XYLB: variants seen among roughly 807,000 people sequenced by gnomAD.
XYLB encodes the protein xylulokinase, also known as xylulose kinase.
XYLB carries 62 observed loss-of-function variants against 78.7 expected under a neutral mutation model. The ratio of observed to expected loss-of-function variants is 0.79; its 90% confidence interval spans 0.64 to 0.97. The LOEUF (loss-of-function observed/expected upper bound fraction) is 0.97. Among genes scored for constraint, XYLB ranks in the 50% least tolerant of loss-of-function variants. The probability of loss-of-function intolerance (pLI) is 0.00; values close to 1 mark genes in which losing one functional copy is unlikely to be tolerated. For synonymous variants in XYLB, 245 were observed against 247.4 expected (o/e 0.99, Z 0.09); for missense variants, 687 against 676.8 (o/e 1.02, Z -0.17).
At chr3:38,412,796 G>T in intron 18 of XYLB, 140 bp from the exon 19 acceptor site, 1 of 693,262 alleles carries the variant, frequency 1.4e-6, no homozygotes, top group East Asian at 3.2e-5. Flanking sequence ...TTCCTCTTTT[G>T]TGAATTGATG....
chr3:38,361,046 A>G (rs1375944924), intron 3 of XYLB, among the ~76,000 whole-genome samples: 1 of 152,026 alleles, frequency 6.6e-6, no homozygotes, highest in Non-Finnish European at 1.5e-5. Context: ...AAAAAAAAAG[A>G]AAAAAAAGAA....
intron 17 of XYLB, among the ~76,000 whole-genome samples, chr3:38,398,482 A>AC (rs540557246): frequency 6.6e-6 from 1 of 152,000 alleles, no homozygotes; most frequent in South Asian, 2.1e-4. Context: ...AACAAAAAAA[A>AC]ATAATTAACC....
intron 14 of XYLB, among the ~76,000 whole-genome samples, 175 bp from the exon 15 acceptor site, chr3:38,379,071 T>G (rs1421204435): frequency 6.6e-6 from 1 of 152,000 alleles, no homozygotes; most frequent in Non-Finnish European, 1.5e-5. Context: ...GCTTGTGTGC[T>G]TGAGTAGTGT....
Position 38,375,195 on chromosome 3 carries a change from C to A in XYLB, c.940C>A (p.Pro314Thr). ...TLFLWLQEPMPALEGHIFCNP... is the reference protein window; with the variant it reads ...TLFLWLQEPMTALEGHIFCNP... Reference sequence around the variant, plus strand: ...GTTTCTCTGGCTCCAAGAGCCCATGCCTGCCCTGGAAGGCCACATCTTCTG... The same window carrying A: ...GTTTCTCTGGCTCCAAGAGCCCATGACTGCCCTGGAAGGCCACATCTTCTG... Residue 314 changes from proline to threonine, a missense_variant, in exon 12 of 19, where the codon CCT (proline) becomes ACT (threonine). Transcript: ENST00000207870. 2 of 1,614,216 alleles carry A rather than the reference C, an allele frequency of 1.2e-6. No homozygotes were observed. Among genetic ancestry groups the A allele is most frequent in the Non-Finnish European group, 1.7e-6 (2 of 1,180,024 alleles).
Position 38,412,961 on chromosome 3 carries a change from A to G in XYLB, c.1559A>G (p.Tyr520Cys). 1 of 1,605,320 alleles carries G rather than the reference A, an allele frequency of 6.2e-7. No homozygotes were observed. The highest frequency in any genetic ancestry group is 8.5e-7 in the Non-Finnish European group (1 of 1,176,318). The change falls in exon 19 of 19, where the codon TAT becomes TGT. Residue 520 changes from tyrosine to cysteine, a missense_variant. Physicochemically the swap from Tyr to Cys is radical, Grantham distance 194. Transcript: ENST00000207870. Reference sequence around the variant, plus strand: ...GTCTACGAGGCCCTTCTCCCCCAGTATGCCAAACTCGAGCAGAGAATCTTG... The same window carrying G: ...GTCTACGAGGCCCTTCTCCCCCAGTGTGCCAAACTCGAGCAGAGAATCTTG... Reference protein sequence around the residue: ...SQVYEALLPQYAKLEQRILSQ... With the variant: ...SQVYEALLPQCAKLEQRILSQ...
chr3:38,379,607 C>A (rs196377), intron 15 of XYLB, among the ~76,000 whole-genome samples: 2 of 151,996 alleles, frequency 1.3e-5, no homozygotes, highest in African/African-American at 4.8e-5. Context: ...TGTAAGACTT[C>A]GGAATGGTCT....
At chr3:38,407,626 A>G (rs943232640) in intron 18 of XYLB, among the ~76,000 whole-genome samples, 38 of 152,194 alleles carry the variant, frequency 2.5e-4, no homozygotes, top group Non-Finnish European at 4.3e-4. Flanking sequence ...AGTGTGCTGT[A>G]TTCAGGAAAC....
chr3:38,358,619 T>C (rs981183121), intron 2 of XYLB, among the ~76,000 whole-genome samples: 10 of 152,084 alleles, frequency 6.6e-5, no homozygotes, highest in Admixed American at 5.2e-4. Context: ...ACTGGGATTA[T>C]AGGTATGAGC....
the XYLB span, among the ~76,000 whole-genome samples, chr3:38,448,759 A>G: frequency 1.3e-5 from 2 of 152,132 alleles, no homozygotes; most frequent in Non-Finnish European, 2.9e-5. Context: ...AATAGCCTTT[A>G]TTATCTAGGG....
chr3:38,427,394 C>T, the XYLB span, among the ~76,000 whole-genome samples: 2 of 152,146 alleles, frequency 1.3e-5, no homozygotes, highest in African/African-American at 4.8e-5. Flanking sequence ...TTTAAATATT[C>T]CTTTATTATC....
chr3:38,391,237 CAAAA>C (rs58456727), intron 15 of XYLB, among the ~76,000 whole-genome samples: 5 of 149,260 alleles, frequency 3.3e-5, no homozygotes, highest in African/African-American at 5.1e-5. Context: ...ACAACAACAA[CAAAA>C]AAAAAGAAGA....
chr3:38,432,751 G>A, the XYLB span, among the ~76,000 whole-genome samples: 1 of 152,242 alleles, frequency 6.6e-6, no homozygotes, highest in African/African-American at 2.4e-5. Flanking sequence ...TCACATCCAG[G>A]TCATGCTGAT....
At chr3:38,439,055 A>G in the XYLB span, among the ~76,000 whole-genome samples, 1 of 152,030 alleles carries the variant, frequency 6.6e-6, no homozygotes, top group South Asian at 2.1e-4. Flanking sequence ...AAGACAGAAA[A>G]TTTCTTCAAG....
chr3:38,380,253 G>A (rs1315083832), intron 15 of XYLB, among the ~76,000 whole-genome samples: 4 of 152,128 alleles, frequency 2.6e-5, no homozygotes, highest in Non-Finnish European at 5.9e-5. Context: ...CATAGCAACT[G>A]GCATGGAGAG....
In XYLB at chr3:38,413,065, G is replaced by T. The variant is rs548520430; in HGVS notation, c.*52G>T. ...CCCAGATTTACTGACCCCATTTGTC[G>T]ACATGGCCCCAGACAGGAGGGATCC... On this transcript the variant is annotated 3_prime_UTR_variant, in exon 19 of 19. Transcript: ENST00000207870. 6.5e-7 allele frequency: 1 copy of T among 1,529,412 alleles called. No individual in the cohort carries two copies. The highest frequency in any genetic ancestry group is 8.8e-7 in the Non-Finnish European group (1 of 1,135,030). The allele number at this position is 1,529,412 out of a possible 1,614,324, so 94.7% of individuals were successfully genotyped here.
downstream of XYLB, among the ~76,000 whole-genome samples, chr3:38,417,162 G>A (rs1435515314): frequency 6.6e-6 from 1 of 152,198 alleles, no homozygotes; most frequent in South Asian, 2.1e-4. Context: ...TAGGGCAAGC[G>A]TGATGGCCCA....
At chr3:38,366,110 T>TA (rs60182601) in intron 6 of XYLB, among the ~76,000 whole-genome samples, 40,601 of 138,572 alleles carry the variant, frequency 0.29, 6,713 homozygotes, top group African/African-American at 0.46. Flanking sequence ...CTGGCAATGT[T>TA]AAAAAAAAAA....
the XYLB span, among the ~76,000 whole-genome samples, chr3:38,434,136 A>G: frequency 6.6e-6 from 1 of 152,188 alleles, no homozygotes; most frequent in Non-Finnish European, 1.5e-5. Context: ...TGAGAACAGC[A>G]TGGGGAAAAC....
In XYLB at chr3:38,379,243, C is replaced by T. The variant is rs1253454060; in HGVS notation, c.1195-3C>T. ...CTCTGTGCCCACCTTTTCCTGGAGA[C>T]AGGTTGCAGCATTCCCTGGGGATGT... is the stretch of plus-strand genomic sequence containing the variant. On this transcript the variant is annotated splice_polypyrimidine_tract_variant and splice_region_variant and intron_variant, in intron 14 of 18. Transcript: ENST00000207870. 1 of 1,613,930 alleles carries T rather than the reference C, an allele frequency of 6.2e-7. No homozygotes were observed. Among genetic ancestry groups the T allele is most frequent in the African/African-American group, 1.3e-5 (1 of 74,912 alleles).
Sources: gnomAD v4.1 joint callset for allele counts (sites outside exome capture counted in the v4.1 genomes callset) on GRCh38, gnomAD v4.1.1 for gene constraint, MANE v1.5 for transcripts, NCBI Gene and HGNC (gene_info 2026-07-23, HGNC 2026-07-21) for gene names.